VIT: variants seen among roughly 807,000 people sequenced by gnomAD.
VIT encodes the protein vitrin.
VIT carries 99 observed loss-of-function variants against 78.0 expected under a neutral mutation model. The observed-to-expected ratio is 1.27, with a 90% confidence interval of 1.08 to 1.50. VIT has a LOEUF of 1.50. Among genes scored for constraint, VIT ranks in the 40% most tolerant of loss-of-function variants. The pLI, the probability that VIT is intolerant of heterozygous loss-of-function variation, is 0.00. For missense variants in VIT, 1,126 were observed against 875.3 expected (o/e 1.29, Z -3.61); for synonymous variants, 374 against 334.3 (o/e 1.12, Z -1.29).
chr2:36,786,456 T>C (rs1003539567), intron 11 of VIT, among the ~76,000 whole-genome samples: 13 of 152,138 alleles, frequency 8.5e-5, no homozygotes, highest in African/African-American at 3.1e-4. Flanking sequence ...ACCTCTCTTA[T>C]AACCTTCATA....
Position 36,755,001 on chromosome 2 carries a change from A to C in VIT, c.356A>C (p.Asn119Thr). The change falls in exon 5 of 16, where the codon AAC (asparagine) becomes ACC (threonine). Residue 119 changes from asparagine to threonine, a missense_variant. Asn to Thr is a moderately conservative substitution (Grantham distance 65). Transcript: ENST00000379242. ...TCTGGTTACAAAGGGAGTTATTCCA[A>C]CGGTGTCCAATCGTTATCCCTACCA... ...GQSGYKGSYSNGVQSLSLPRW... is the reference protein window; with the variant it reads ...GQSGYKGSYSTGVQSLSLPRW... 1 of 1,614,180 alleles carries C rather than the reference A, an allele frequency of 6.2e-7. No homozygotes were observed. The highest frequency in any genetic ancestry group is 1.3e-5 in the African/African-American group (1 of 75,042).
intron 14 of VIT, 73 bp from the exon 15 acceptor site, chr2:36,808,396 CGGG>C (rs1666888324): frequency 6.6e-7 from 1 of 1,507,478 alleles, no homozygotes; most frequent in African/African-American, 1.4e-5. Context: ...TCACCTGCCC[CGGG>C]GGATCAAGCC....
At chr2:36,699,048 A>G (rs1573091276) in intron 1 of VIT, among the ~76,000 whole-genome samples, 2 of 152,138 alleles carry the variant, frequency 1.3e-5, no homozygotes, top group Non-Finnish European at 2.9e-5. Context: ...TAAAAACTTC[A>G]TGGCCCCCAA....
intron 6 of VIT, among the ~76,000 whole-genome samples, chr2:36,761,989 A>G (rs1669151424): frequency 6.6e-6 from 1 of 152,216 alleles, no homozygotes; most frequent in Admixed American, 6.5e-5. Context: ...GCAGCCCAAA[A>G]AGTATGCAAA....
At chr2:36,765,447 G>GAGAGAGAGAGAGAGAGAGAGAGA (rs759255390) in intron 6 of VIT, among the ~76,000 whole-genome samples, 30 of 148,786 alleles carry the variant, frequency 2.0e-4, no homozygotes, top group Non-Finnish European at 2.5e-4. Context: ...GAGAGAGAGA[G>GAGAGAGAGAGAGAGAGAGAGAGA]GAAAAACTGC....
rs766879191 is a variant in VIT, at chr2:36,805,708, C to T, written c.1389+44C>T. The T allele has an allele frequency of 7.6e-6, 12 of 1,581,116 alleles. No individual in the cohort carries two copies. In the Admixed American group the frequency reaches 1.0e-4, roughly 14 times the overall value. ...ACCTACCCAACATCAGGATTTTCTG[C>T]ACTCTGAAAAATTGTAACGCCGTTG... On this transcript the variant is annotated intron_variant, in intron 14 of 15. Transcript: ENST00000379242.
chr2:36,768,195 G>A (rs1344460629), intron 7 of VIT, among the ~76,000 whole-genome samples: 2 of 152,136 alleles, frequency 1.3e-5, no homozygotes, highest in East Asian at 3.9e-4. Context: ...ACTTTGGGAG[G>A]CCGAGGCAAG....
chr2:36,814,146 T>G lies in VIT; in HGVS notation c.1904-37T>G, dbSNP rs181757629. 3.8e-6 allele frequency: 6 copies of G among 1,599,078 alleles called. 1 individual carries two copies. The stretch of plus-strand genomic sequence containing the variant: ...AGAGATTCTTTAGCAGCACCTTTAC[T>G]TGGGGACATTTGTTCATCTAACCTT... On this transcript the variant is annotated intron_variant, in intron 15 of 15. Transcript: ENST00000379242.
At position 36,787,276 on chromosome 2, in the gene VIT, G is replaced by C. The variant is rs1024576998; in HGVS notation, c.1058G>C (p.Gly353Ala). ...CCACTGATGGGTGTTGTCCAGTATG[G>C]GTAAGTGCAGTTAATGTTCTGAATC... is the stretch of plus-strand genomic sequence containing the variant. ...AGPLMGVVQY[G>A]DNPATHFNLK... Residue 353 changes from glycine to alanine, a missense_variant and splice_region_variant, in exon 12 of 16, where the codon GGA (glycine) becomes GCA (alanine). Transcript: ENST00000379242. 1.2e-6 allele frequency: 2 copies of C among 1,611,466 alleles called. No individual in the cohort carries two copies. The highest frequency in any genetic ancestry group is 2.7e-5 in the African/African-American group (2 of 74,778).
At chr2:36,761,407 C>A (rs1347671770) in intron 6 of VIT, among the ~76,000 whole-genome samples, 6 of 152,080 alleles carry the variant, frequency 3.9e-5, no homozygotes, top group African/African-American at 1.2e-4. Flanking sequence ...GGAATGGCCT[C>A]ACCCGTGGGA....
intron 4 of VIT, among the ~76,000 whole-genome samples, chr2:36,745,893 G>A (rs369222199): frequency 6.6e-6 from 1 of 152,148 alleles, no homozygotes; most frequent in East Asian, 1.9e-4. Flanking sequence ...AGTTCTCAAG[G>A]GGAATGCTTC....
In VIT at chr2:36,814,654, T is replaced by C. The variant is rs995105168; in HGVS notation, c.*293T>C. The C allele has an allele frequency of 1.6e-5, 5 of 313,334 alleles. No individual in the cohort carries two copies. The highest frequency in any genetic ancestry group is 8.5e-5 in the African/African-American group (4 of 47,292). 19.4% of individuals were successfully genotyped at this position (313,334 alleles called of 1,614,324 possible). On this transcript the variant is annotated 3_prime_UTR_variant, in exon 16 of 16. Coordinates refer to ENST00000379242, the MANE Select transcript of VIT (RefSeq NM_053276.4). ...AAATGTTCGGAATACAGTGCAGCCCTTACGACAGGCTTACGTAGAGCTTTT... is the reference window on the plus strand; with the variant it reads ...AAATGTTCGGAATACAGTGCAGCCCCTACGACAGGCTTACGTAGAGCTTTT...
At chr2:36,722,902 T>C (rs1034920114) in intron 2 of VIT, among the ~76,000 whole-genome samples, 11 of 151,978 alleles carry the variant, frequency 7.2e-5, no homozygotes, top group Admixed American at 7.2e-4. Context: ...GATTTCAGTA[T>C]GACCAGATTA....
chr2:36,791,779 G>T (rs1159002693), intron 12 of VIT, among the ~76,000 whole-genome samples: 1 of 152,240 alleles, frequency 6.6e-6, no homozygotes, highest in Non-Finnish European at 1.5e-5. Context: ...CTTGGTTTCA[G>T]CCATGGAGAC....
At chr2:36,713,520 A>C (rs1665936913) in intron 1 of VIT, among the ~76,000 whole-genome samples, 1 of 152,160 alleles carries the variant, frequency 6.6e-6, no homozygotes, top group Non-Finnish European at 1.5e-5. Context: ...GCCATGAACC[A>C]ATTTACTTTG....
intron 2 of VIT, among the ~76,000 whole-genome samples, chr2:36,721,744 C>A (rs1459869088): frequency 6.6e-6 from 1 of 152,186 alleles, no homozygotes; most frequent in Non-Finnish European, 1.5e-5. Context: ...CACCTACAAG[C>A]CTTTGAACAT....
In VIT at chr2:36,754,946, A is replaced by C. The variant is rs766891780; in HGVS notation, c.301A>C (p.Lys101Gln). Reference protein sequence around the residue: ...HSGVLDNSGGKILVRKVAGQS... With the variant: ...HSGVLDNSGGQILVRKVAGQS... ...TGGTGTGCTTGATAATTCAGGAGGG[A>C]AAATACTTGTTCGGAAGGTTGCTGG... The change falls in exon 5 of 16, where the codon AAA (lysine) becomes CAA (glutamine). Residue 101 changes from lysine to glutamine, a missense_variant. By Grantham distance (53) the Lys-to-Gln change is moderately conservative. Coordinates refer to ENST00000379242, the MANE Select transcript of VIT (RefSeq NM_053276.4). 2 of 1,614,036 alleles carry C rather than the reference A, an allele frequency of 1.2e-6. No individual in the cohort carries two copies. The highest frequency in any genetic ancestry group is 1.7e-6 in the Non-Finnish European group (2 of 1,179,976).
intron 4 of VIT, among the ~76,000 whole-genome samples, chr2:36,750,233 T>C (rs921162713): frequency 3.9e-5 from 6 of 152,244 alleles, no homozygotes; most frequent in Admixed American, 1.3e-4. Context: ...GTTATACAAA[T>C]CTACGCACAC....
At chr2:36,707,191 T>C (rs1230733687) in intron 1 of VIT, among the ~76,000 whole-genome samples, 1 of 152,146 alleles carries the variant, frequency 6.6e-6, no homozygotes, top group Non-Finnish European at 1.5e-5. Context: ...GGAAATGTAT[T>C]ATCTCACATA....
Sources: gnomAD v4.1 joint callset for allele counts (sites outside exome capture counted in the v4.1 genomes callset) on GRCh38, gnomAD v4.1.1 for gene constraint, MANE v1.5 for transcripts, NCBI Gene and HGNC (gene_info 2026-07-23, HGNC 2026-07-21) for gene names.